NAV3: variants seen among roughly 807,000 people sequenced by gnomAD.
NAV3 encodes pore membrane and/or filament interacting like protein 1.
NAV3 carries 87 observed loss-of-function variants against 244.7 expected under a neutral mutation model. That is an observed-to-expected ratio of 0.36 (90% CI 0.30 to 0.42). The LOEUF (loss-of-function observed/expected upper bound fraction) is 0.42. NAV3 is among the 20% of genes least tolerant of loss of function. The probability of loss-of-function intolerance (pLI) is 1.00; values close to 1 mark genes in which losing one functional copy is unlikely to be tolerated. For synonymous variants in NAV3, 1,126 were observed against 1,042.2 expected, an observed-to-expected ratio of 1.08 and a Z score of -1.55; for missense variants, 2,663 against 2,893.3, an observed-to-expected ratio of 0.92 and a Z score of 1.83.
rs141764230 is a variant in NAV3 at position 77,728,511 on chromosome 12, C to T, written c.72+156245C>T. 2.4e-3 allele frequency among the ~76,000 whole-genome samples: 362 copies of T among 152,048 alleles called. 2 individuals carry two copies. Among genetic ancestry groups the T allele is most frequent in the African/African-American group, 8.4e-3 (349 of 41,520 alleles). On this transcript the variant is annotated intron_variant, in intron 2 of 8. Coordinates refer to the NAV3 transcript ENST00000550042. ...TTCTTCAATATTTAGTCCACTTCTT[C>T]ATTTTCTACACTGAGGAAATGGACA...
intron 22 of NAV3, among the ~76,000 whole-genome samples, chr12:78,155,415 G>GT (rs1957264109): frequency 6.6e-6 from 1 of 151,976 alleles, no homozygotes; most frequent in Admixed American, 6.6e-5. Flanking sequence ...TCTTTATCCA[G>GT]TTTATCATTG....
chr12:78,058,745 T>G (rs1248277892), intron 11 of NAV3, among the ~76,000 whole-genome samples: 1 of 152,178 alleles, frequency 6.6e-6, no homozygotes, highest in African/African-American at 2.4e-5. Flanking sequence ...TATGGTAGGC[T>G]AGTTACTTGT....
intron 5 of NAV3, among the ~76,000 whole-genome samples, chr12:77,973,702 T>C (rs1350116592): frequency 1.3e-5 from 2 of 152,130 alleles, no homozygotes; most frequent in African/African-American, 2.4e-5. Flanking sequence ...CTGGGACAGT[T>C]TACAGCTTTT....
chr12:78,010,405 G>A (rs1875062150), intron 8 of NAV3, among the ~76,000 whole-genome samples: 1 of 152,074 alleles, frequency 6.6e-6, no homozygotes, highest in Non-Finnish European at 1.5e-5. Context: ...CATTTGTTGA[G>A]TGCTTACTTA....
intron 2 of NAV3, among the ~76,000 whole-genome samples, chr12:77,647,977 A>T (rs1872672086): frequency 6.6e-6 from 1 of 152,152 alleles, no homozygotes; most frequent in Non-Finnish European, 1.5e-5. Context: ...ACCAAGGAAG[A>T]ACCTGGCAGC....
intron 2 of NAV3, among the ~76,000 whole-genome samples, chr12:77,745,250 A>G (rs1868476562): frequency 6.6e-6 from 1 of 152,076 alleles, no homozygotes; most frequent in Non-Finnish European, 1.5e-5. Flanking sequence ...TTCTTTCTGC[A>G]TGCAACTGAG....
At chr12:77,719,237 T>A (rs1876502606) in intron 2 of NAV3, among the ~76,000 whole-genome samples, 1 of 152,126 alleles carries the variant, frequency 6.6e-6, no homozygotes, top group Non-Finnish European at 1.5e-5. Context: ...TTTACATTTA[T>A]GAGTATATCA....
chr12:78,210,477 A>G lies in NAV3; in HGVS notation c.7118A>G (p.His2373Arg), dbSNP rs61754965. 1,729 of 1,613,918 alleles carry G rather than the reference A, an allele frequency of 1.1e-3. 7 individuals carry two copies. The highest frequency in any genetic ancestry group is 6.6e-4 in the Middle Eastern group (4 of 6,062). ...TGCGACAGCGAAAGCACCAGCCACC[A>G]TGAAGACATTTTGGATTCATCTCTT... is the stretch of plus-strand genomic sequence containing the variant. ...QSCDSESTSH[H>R]EDILDSSLES... Residue 2373 changes from histidine to arginine, a missense_variant, in exon 40 of 40, where the codon CAT (histidine) becomes CGT (arginine). By Grantham distance (29) the His-to-Arg change is conservative. Coordinates refer to ENST00000397909, the MANE Select transcript of NAV3 (RefSeq NM_001024383.2).
chr12:78,199,654 T>C, intron 37 of NAV3, 123 bp downstream of exon 37: 1 of 631,262 alleles, frequency 1.6e-6, no homozygotes, highest in Non-Finnish European at 2.4e-6. Context: ...CAAAGATTTA[T>C]TTTTTTCCCT....
rs1200177900 is a variant in NAV3, at chr12:77,801,837, G to A, written c.73-138482G>A. On this transcript the variant is annotated intron_variant, in intron 2 of 8. Coordinates refer to the NAV3 transcript ENST00000550042. ...CCTGTAACTGACTTGGTACATCAGAGACATTCATCTTTATTTTTTAATGAT... is the reference window on the plus strand; with the variant it reads ...CCTGTAACTGACTTGGTACATCAGAAACATTCATCTTTATTTTTTAATGAT... 2.0e-5 allele frequency among the ~76,000 whole-genome samples: 3 copies of A among 152,112 alleles called. No homozygotes were observed. The East Asian group carries it at 5.8e-4, about 29-fold the overall frequency.
intron 1 of NAV3, among the ~76,000 whole-genome samples, chr12:77,851,863 A>T (rs2136250902): frequency 6.6e-6 from 1 of 152,360 alleles, no homozygotes; most frequent in South Asian, 2.1e-4. Flanking sequence ...AATATTAAGT[A>T]GTACTTGCCA....
At chr12:78,141,026 G>A (rs550310960) in intron 20 of NAV3, among the ~76,000 whole-genome samples, 13 of 151,984 alleles carry the variant, frequency 8.6e-5, no homozygotes, top group African/African-American at 2.9e-4. Context: ...CAAGCAGCTA[G>A]GACTACAGGC....
At chr12:77,594,991 G>C (rs1228435267) in intron 2 of NAV3, among the ~76,000 whole-genome samples, 1 of 152,118 alleles carries the variant, frequency 6.6e-6, no homozygotes, top group Admixed American at 6.6e-5. Flanking sequence ...TGGAAAAAAA[G>C]TATGGAGGTT....
intron 7 of NAV3, among the ~76,000 whole-genome samples, chr12:78,001,705 T>C (rs1356617334): frequency 6.6e-6 from 1 of 152,194 alleles, no homozygotes; most frequent in Non-Finnish European, 1.5e-5. Flanking sequence ...AATTAAAATA[T>C]CAGCACACAT....
chr12:77,852,493 C>T (rs556082876), intron 1 of NAV3, among the ~76,000 whole-genome samples: 12 of 152,100 alleles, frequency 7.9e-5, no homozygotes, highest in East Asian at 3.9e-4. Context: ...GAGCTGAGAT[C>T]GCACCACTGC....
chr12:78,179,340 A>G (rs1361383106), intron 28 of NAV3, 189 bp from the exon 29 acceptor site: 12 of 498,014 alleles, frequency 2.4e-5, no homozygotes, highest in Admixed American at 1.2e-4. Context: ...AGAAAAAGCT[A>G]CTTCCGTTTT....
intron 3 of NAV3, among the ~76,000 whole-genome samples, chr12:77,963,820 G>T (rs201122959): frequency 6.6e-6 from 1 of 151,752 alleles, no homozygotes; most frequent in Admixed American, 6.6e-5. Context: ...TGTTGTTGTT[G>T]TTCTCCTTCC....
Position 77,812,222 on chromosome 12 carries a change from C to T in NAV3, c.73-128097C>T, listed in dbSNP as rs571684924. 1.5e-3 allele frequency among the ~76,000 whole-genome samples: 228 copies of T among 152,142 alleles called. 2 individuals carry two copies. The South Asian group carries it at 0.021, about 14-fold the overall frequency. ...TTCCTTCAACTGACCTTATGCCCTC[C>T]TTGGACTGAAAGCATTTAGAAAACC... is the stretch of plus-strand genomic sequence containing the variant. On this transcript the variant is annotated intron_variant, in intron 2 of 8. Transcript: ENST00000550042.
At chr12:77,773,835 C>A (rs1200236070) in intron 2 of NAV3, among the ~76,000 whole-genome samples, 1 of 152,042 alleles carries the variant, frequency 6.6e-6, no homozygotes, top group Non-Finnish European at 1.5e-5. Flanking sequence ...TTTTTTAGGT[C>A]AGCTAATCCC....
Sources: gnomAD v4.1 joint callset for allele counts (sites outside exome capture counted in the v4.1 genomes callset) on GRCh38, gnomAD v4.1.1 for gene constraint, MANE v1.5 for transcripts, NCBI Gene and HGNC (gene_info 2026-07-23, HGNC 2026-07-21) for gene names.